MAPKAP1: variants seen among roughly 807,000 people sequenced by gnomAD.
The protein encoded by MAPKAP1 is target of rapamycin complex 2 subunit MAPKAP1.
Under a neutral mutation model 65.7 loss-of-function variants are expected in MAPKAP1, and 20 were observed. The observed-to-expected ratio is 0.30, with a 90% CI of 0.21 to 0.44. MAPKAP1 has a LOEUF of 0.44. Among genes scored for constraint, MAPKAP1 ranks in the 20% least tolerant of loss-of-function variants. The pLI is 1.00. For missense variants in MAPKAP1, 423 were observed against 648.0 expected (o/e 0.65, Z 3.77); for synonymous variants, 222 against 244.3 (o/e 0.91, Z 0.85).
intron 4 of MAPKAP1, among the ~76,000 whole-genome samples, chr9:125,626,152 C>T (rs1194267080): frequency 6.6e-6 from 1 of 152,228 alleles, no homozygotes; most frequent in Admixed American, 6.5e-5. Context: ...AGGAAAACTG[C>T]TCTACCAGGC....
chr9:125,532,521 C>G (rs1019780048), intron 7 of MAPKAP1, among the ~76,000 whole-genome samples: 1 of 152,228 alleles, frequency 6.6e-6, no homozygotes, highest in African/African-American at 2.4e-5. Context: ...CTGACTTCAG[C>G]TAATTAAACA....
intron 7 of MAPKAP1, among the ~76,000 whole-genome samples, chr9:125,539,683 G>C (rs12336466): frequency 8.4e-4 from 128 of 152,180 alleles, no homozygotes; most frequent in African/African-American, 3.0e-3. Context: ...CTAAATCAAG[G>C]GACCTGACAA....
chr9:125,457,449 A>T (rs1853226945), intron 10 of MAPKAP1, among the ~76,000 whole-genome samples: 1 of 151,960 alleles, frequency 6.6e-6, no homozygotes, highest in Non-Finnish European at 1.5e-5. Context: ...GAATTCTATC[A>T]CCTCTGACTC....
chr9:125,486,559 C>T (rs980971958), intron 8 of MAPKAP1, among the ~76,000 whole-genome samples: 4 of 152,198 alleles, frequency 2.6e-5, no homozygotes, highest in South Asian at 2.1e-4. Flanking sequence ...TTACTGCTTA[C>T]GGGGCAAGTA....
chr9:125,654,921 T>C (rs974808284), intron 4 of MAPKAP1, among the ~76,000 whole-genome samples: 8 of 152,162 alleles, frequency 5.3e-5, no homozygotes, highest in Non-Finnish European at 8.8e-5. Flanking sequence ...TTTTTTAGCA[T>C]ATTTAATTAG....
At chr9:125,517,943 T>C (rs977030608) in intron 7 of MAPKAP1, among the ~76,000 whole-genome samples, 1 of 148,684 alleles carries the variant, frequency 6.7e-6, no homozygotes, top group Non-Finnish European at 1.5e-5. Context: ...AGGGCACTCT[T>C]TGAAGACGGG....
intron 6 of MAPKAP1, among the ~76,000 whole-genome samples, chr9:125,555,136 C>A (rs1564556004): frequency 6.6e-6 from 1 of 152,148 alleles, no homozygotes; most frequent in South Asian, 2.1e-4. Flanking sequence ...TGTAAAAACA[C>A]TGAATTTATA....
At chr9:125,584,006 T>C (rs986739375) in intron 5 of MAPKAP1, among the ~76,000 whole-genome samples, 37 of 150,530 alleles carry the variant, frequency 2.5e-4, no homozygotes, top group Admixed American at 6.6e-4. Flanking sequence ...GAGCCTGCAG[T>C]GAGCCGAGAT....
chr9:125,516,253 T>C (rs1404175274), intron 7 of MAPKAP1, among the ~76,000 whole-genome samples: 2 of 152,254 alleles, frequency 1.3e-5, no homozygotes, highest in Admixed American at 6.5e-5. Context: ...ATGACCATTA[T>C]TGATAGGACA....
intron 4 of MAPKAP1, among the ~76,000 whole-genome samples, chr9:125,629,147 T>C (rs562149518): frequency 3.9e-4 from 59 of 152,070 alleles, no homozygotes; most frequent in African/African-American, 1.3e-3. Context: ...CTGTGCACTG[T>C]TGGTAGAAAT....
intron 4 of MAPKAP1, among the ~76,000 whole-genome samples, chr9:125,601,802 T>G (rs1200665292): frequency 6.6e-6 from 1 of 152,232 alleles, no homozygotes. Flanking sequence ...CTGGGATAGT[T>G]GTTACTCTAT....
chr9:125,533,733 G>A (rs557798904), intron 7 of MAPKAP1, among the ~76,000 whole-genome samples: 22 of 152,304 alleles, frequency 1.4e-4, no homozygotes, highest in African/African-American at 5.3e-4. Flanking sequence ...ACAGGTGTGA[G>A]CCACTACGCT....
At chr9:125,574,375 T>G (rs551012078) in intron 5 of MAPKAP1, among the ~76,000 whole-genome samples, 7 of 152,318 alleles carry the variant, frequency 4.6e-5, no homozygotes, top group African/African-American at 1.7e-4. Context: ...AGTAAAAGAA[T>G]GTGATGCCTT....
chr9:125,491,440 C>CA (rs1420478655), intron 8 of MAPKAP1, among the ~76,000 whole-genome samples: 7 of 151,672 alleles, frequency 4.6e-5, no homozygotes, highest in Non-Finnish European at 7.4e-5. Flanking sequence ...GACCCTGTCT[C>CA]AAAAAAATTT....
chr9:125,693,726 T>TATACACGTATATATAC (rs766371547), intron 1 of MAPKAP1, among the ~76,000 whole-genome samples: 5 of 122,846 alleles, frequency 4.1e-5, no homozygotes, highest in Admixed American at 1.7e-4. Flanking sequence ...TACACGTATA[T>TATACACGTATATATAC]ACACATATAT....
intron 4 of MAPKAP1, among the ~76,000 whole-genome samples, chr9:125,643,639 A>T (rs1268310559): frequency 2.0e-5 from 3 of 152,170 alleles, no homozygotes; most frequent in African/African-American, 7.2e-5. Flanking sequence ...CTAATCCTCT[A>T]TTATTGGGCA....
intron 5 of MAPKAP1, among the ~76,000 whole-genome samples, chr9:125,560,240 T>C (rs1207263184): frequency 6.6e-6 from 1 of 152,182 alleles, no homozygotes; most frequent in African/African-American, 2.4e-5. Context: ...GGGAAGATTA[T>C]CTGGCCTCGG....
intron 10 of MAPKAP1, among the ~76,000 whole-genome samples, chr9:125,459,606 A>G (rs1285475022): frequency 2.0e-5 from 3 of 152,168 alleles, no homozygotes; most frequent in African/African-American, 4.8e-5. Context: ...CGCGGTTAGG[A>G]GCTGGAGACC....
intron 5 of MAPKAP1, among the ~76,000 whole-genome samples, chr9:125,584,571 TG>T (rs1408525335): frequency 7.9e-5 from 12 of 152,096 alleles, no homozygotes; most frequent in African/African-American, 2.9e-4. Flanking sequence ...GGATTACGGA[TG>T]GCCACCACCA....
Sources: gnomAD v4.1 joint callset for allele counts (sites outside exome capture counted in the v4.1 genomes callset) on GRCh38, gnomAD v4.1.1 for gene constraint, MANE v1.5 for transcripts, NCBI Gene and HGNC (gene_info 2026-07-23, HGNC 2026-07-21) for gene names.